The following PRUNE2 variants were observed in gnomAD, a reference collection of about 807,000 sequenced individuals.
The protein encoded by PRUNE2 is prune homolog 2 with BCH domain.
PRUNE2 carries 164 observed loss-of-function variants against 252.0 expected under a neutral mutation model. That is an observed-to-expected ratio of 0.65 (90% confidence interval 0.57 to 0.74). PRUNE2 has a LOEUF of 0.74. Ranked by LOEUF, PRUNE2 falls within the 30% of genes least tolerant of loss-of-function variation. PRUNE2 has a pLI of 0.00. For synonymous variants in PRUNE2, 1,292 were observed against 1,350.2 expected (o/e 0.96, Z 0.94); for missense variants, 3,495 against 3,711.0 (o/e 0.94, Z 1.51).
chr9:76,698,135 C>T (rs2045560513), intron 9 of PRUNE2, among the ~76,000 whole-genome samples: 1 of 149,602 alleles, frequency 6.7e-6, no homozygotes, highest in African/African-American at 2.5e-5. Flanking sequence ...CAACCTCCGC[C>T]TCCTGGGTTC....
intron 5 of PRUNE2, among the ~76,000 whole-genome samples, chr9:76,825,214 G>C (rs1470070323): frequency 6.6e-6 from 1 of 152,188 alleles, no homozygotes; most frequent in African/African-American, 2.4e-5. Context: ...AACAAATCCT[G>C]ATTTGTAGTG....
At chr9:76,866,795 A>G (rs556854775) in intron 1 of PRUNE2, among the ~76,000 whole-genome samples, 17 of 152,142 alleles carry the variant, frequency 1.1e-4, no homozygotes, top group African/African-American at 4.1e-4. Context: ...AGAGCGAGAG[A>G]GAATGGAAGG....
At chr9:76,739,484 T>G (rs2049376552) in intron 6 of PRUNE2, 1 of 151,888 alleles carries the variant, frequency 6.6e-6, no homozygotes, top group African/African-American at 2.4e-5. Flanking sequence ...AATATAAGTC[T>G]ATATAATCGC....
At chr9:76,833,889 T>G (rs72735022) in intron 4 of PRUNE2, among the ~76,000 whole-genome samples, 6,135 of 149,584 alleles carry the variant, frequency 0.041, 152 homozygotes, top group East Asian at 0.075. Context: ...TTTTTTTGTT[T>G]TTTTTTTTTT....
At chr9:76,877,911 C>T (rs549344714) in intron 1 of PRUNE2, among the ~76,000 whole-genome samples, 24 of 152,204 alleles carry the variant, frequency 1.6e-4, no homozygotes, top group Non-Finnish European at 2.9e-4. Flanking sequence ...GTAAGATACA[C>T]CATGACCCTA....
chr9:76,646,554 G>A (rs987630586), intron 11 of PRUNE2, among the ~76,000 whole-genome samples: 4 of 152,158 alleles, frequency 2.6e-5, no homozygotes, highest in African/African-American at 4.8e-5. Context: ...GCCAAGCGTC[G>A]TGTCCCTTGT....
At chr9:76,903,657 G>A (rs1025925877) in intron 1 of PRUNE2, among the ~76,000 whole-genome samples, 6 of 152,024 alleles carry the variant, frequency 3.9e-5, no homozygotes, top group Non-Finnish European at 7.4e-5. Flanking sequence ...GCACAATCTC[G>A]ACTCACTGCA....
intron 1 of PRUNE2, chr9:76,857,074 G>T (rs1270900270): frequency 2.2e-6 from 1 of 455,644 alleles, no homozygotes; most frequent in Non-Finnish European, 4.4e-6. Flanking sequence ...TTTTTTCATG[G>T]TCTCTCATTT....
intron 4 of PRUNE2, among the ~76,000 whole-genome samples, chr9:76,837,464 A>ATAAT (rs1214147312): frequency 1.2e-5 from 1 of 82,322 alleles, no homozygotes. Flanking sequence ...AATAATAATA[A>ATAAT]TAATAATAAT....
chr9:76,902,163 T>TC (rs1564535818), intron 1 of PRUNE2, among the ~76,000 whole-genome samples: 1 of 151,948 alleles, frequency 6.6e-6, no homozygotes, highest in African/African-American at 2.4e-5. Context: ...CTTCATTTTT[T>TC]CCCCCCAAAC....
intron 10 of PRUNE2, 54 bp from the exon 11 acceptor site, chr9:76,652,737 A>C (rs1847919045): frequency 7.5e-7 from 1 of 1,325,454 alleles, no homozygotes. Context: ...GAGCAATCTA[A>C]ATCAAAAATT....
chr9:76,804,325 C>T (rs1352066186), intron 6 of PRUNE2, among the ~76,000 whole-genome samples: 1 of 152,218 alleles, frequency 6.6e-6, no homozygotes, highest in Non-Finnish European at 1.5e-5. Flanking sequence ...GCCCCCGCCC[C>T]CTTCCTCACA....
intron 1 of PRUNE2, among the ~76,000 whole-genome samples, chr9:76,872,701 A>G (rs1157183120): frequency 2.0e-5 from 3 of 152,110 alleles, no homozygotes; most frequent in Non-Finnish European, 4.4e-5. Context: ...ACTTACAGGT[A>G]AAATGACATG....
intron 1 of PRUNE2, chr9:76,869,283 TGTTTCCAGTACGGTGCAGGTATGCAG>T (rs2061045595): frequency 1.3e-5 from 2 of 152,226 alleles, no homozygotes; most frequent in South Asian, 4.1e-4. Context: ...AGGAGAAGAT[TGTTTCCAGTACGGTGCAGGTATGCAG>T]GTTCACAGGG....
intron 6 of PRUNE2, among the ~76,000 whole-genome samples, chr9:76,721,319 C>A (rs1008021900): frequency 6.6e-6 from 1 of 152,202 alleles, no homozygotes; most frequent in African/African-American, 2.4e-5. Context: ...CCTCCAAGGG[C>A]CAAATGACCT....
At chr9:76,818,868 T>C (rs1276230906) in intron 6 of PRUNE2, among the ~76,000 whole-genome samples, 1 of 152,212 alleles carries the variant, frequency 6.6e-6, no homozygotes, top group Non-Finnish European at 1.5e-5. Context: ...GGTTGAATTT[T>C]GTCCCACAAA....
At chr9:76,683,947 T>TTA (rs971204026) in intron 9 of PRUNE2, among the ~76,000 whole-genome samples, 32 of 150,634 alleles carry the variant, frequency 2.1e-4, no homozygotes, top group South Asian at 1.7e-3. Flanking sequence ...TATGTACATA[T>TTA]TATATATATA....
chr9:76,842,720 A>G (rs1260491694), intron 4 of PRUNE2, among the ~76,000 whole-genome samples: 1 of 152,200 alleles, frequency 6.6e-6, no homozygotes, highest in African/African-American at 2.4e-5. Flanking sequence ...AAACATATGG[A>G]AAAAAAGCTC....
chr9:76,904,144 T>C (rs1328448490), intron 1 of PRUNE2, among the ~76,000 whole-genome samples: 2 of 152,194 alleles, frequency 1.3e-5, no homozygotes, highest in South Asian at 4.1e-4. Context: ...AAGAAGCTTA[T>C]TCCAAGAAAC....
Sources: gnomAD v4.1 joint callset for allele counts (sites outside exome capture counted in the v4.1 genomes callset) on GRCh38, gnomAD v4.1.1 for gene constraint, MANE v1.5 for transcripts, NCBI Gene and HGNC (gene_info 2026-07-23, HGNC 2026-07-21) for gene names.